Variants in KIF5A observed in about 807,000 individuals in gnomAD.
KIF5A encodes the protein kinesin family member 5A.
A neutral mutation model predicts 141.3 loss-of-function variants in KIF5A; 35 were observed. The ratio of observed to expected loss-of-function variants is 0.25; its 90% CI spans 0.19 to 0.33. The LOEUF (loss-of-function observed/expected upper bound fraction) is 0.33, where lower values mean the gene tolerates loss of function less well. Among genes scored for constraint, KIF5A ranks in the 10% least tolerant of loss-of-function variants. The pLI, the probability that KIF5A is intolerant of heterozygous loss-of-function variation, is 1.00. For synonymous variants in KIF5A, 448 were observed against 500.2 expected (o/e 0.90, Z 1.39); for missense variants, 861 against 1,314.3 (o/e 0.66, Z 5.33).
At position 57,576,868 on chromosome 12, in the gene KIF5A, T is replaced by C. The variant is rs1882444180; in HGVS notation, c.2300+6T>C. On this transcript the variant is annotated splice_donor_region_variant and intron_variant, in intron 20 of 28. Coordinates refer to ENST00000455537, the MANE Select transcript of KIF5A (RefSeq NM_004984.4). ...ACCAAGCTGCAGGAGCTGACGTGAG[T>C]GGCATGGATTTACCTGTAAAACTAC... is the stretch of plus-strand genomic sequence containing the variant. 1.2e-6 allele frequency: 2 copies of C among 1,606,476 alleles called. No homozygotes were observed. Among genetic ancestry groups the C allele is most frequent in the African/African-American group, 1.3e-5 (1 of 74,784 alleles).
chr12:57,582,648 C>T lies in KIF5A; in HGVS notation c.3020+19C>T, dbSNP rs780107972. On this transcript the variant is annotated intron_variant, in intron 27 of 28. Transcript: ENST00000455537. ...ACAATAGGTACAACAGTCCCCACTA[C>T]CCCTGGGTTCTCTGGGTGGGACCAG... is the stretch of plus-strand genomic sequence containing the variant. 2 of 1,597,734 alleles carry T rather than the reference C, an allele frequency of 1.3e-6. No individual in the cohort carries two copies. Among genetic ancestry groups the T allele is most frequent in the Admixed American group, 3.3e-5 (2 of 59,998 alleles).
chr12:57,552,360 A>G (rs1450175172), intron 1 of KIF5A, among the ~76,000 whole-genome samples: 1 of 152,128 alleles, frequency 6.6e-6, no homozygotes, highest in Non-Finnish European at 1.5e-5. Flanking sequence ...GCAAGGAGGA[A>G]AGATGAATAG....
chr12:57,559,068 T>A (rs1881831793), intron 1 of KIF5A, among the ~76,000 whole-genome samples: 2 of 152,216 alleles, frequency 1.3e-5, no homozygotes, highest in African/African-American at 4.8e-5. Context: ...ACATGAGCTA[T>A]CTCATTCAAC....
chr12:57,572,562 C>A lies in KIF5A; in HGVS notation c.1570-18C>A. 1 of 1,614,160 alleles carries A rather than the reference C, an allele frequency of 6.2e-7. No individual in the cohort carries two copies. The highest frequency in any genetic ancestry group is 1.6e-4 in the Middle Eastern group (1 of 6,062). On this transcript the variant is annotated intron_variant, in intron 14 of 28. Transcript: ENST00000455537. The surrounding 1 kb of genome is among the most constrained non-coding windows in gnomAD (Gnocchi z 4.2). ...GCAGGAGGATGGCAACAGGAATGAC[C>A]TGAGGGGCTGTCCCCAGGCCACCAT...
At chr12:57,559,601 CAT>C (rs1384603820) in intron 1 of KIF5A, among the ~76,000 whole-genome samples, 11 of 152,140 alleles carry the variant, frequency 7.2e-5, no homozygotes, top group African/African-American at 2.4e-4. Context: ...AATTTTATGA[CAT>C]ATGTAGACAC....
chr12:57,567,480 C>T lies in KIF5A; in HGVS notation c.590-14C>T. 1.2e-6 allele frequency: 2 copies of T among 1,612,628 alleles called. No individual in the cohort carries two copies. The highest frequency in any genetic ancestry group is 1.7e-6 in the Non-Finnish European group (2 of 1,179,536). On this transcript the variant is annotated splice_polypyrimidine_tract_variant and intron_variant, in intron 7 of 28. Transcript: ENST00000455537. ...CAGGGTGGTGCAGGTCCTGTTTCTC[C>T]CTTGCTCCTGCAGACATGAATGAAC...
At chr12:57,570,491 C>T (rs1353826050) in intron 12 of KIF5A, among the ~76,000 whole-genome samples, 1 of 152,086 alleles carries the variant, frequency 6.6e-6, no homozygotes, top group Non-Finnish European at 1.5e-5. Flanking sequence ...CTCTGCCTCT[C>T]GGGTTCAAGT....
chr12:57,571,801 T>G (rs575273116), intron 13 of KIF5A, among the ~76,000 whole-genome samples: 1 of 152,232 alleles, frequency 6.6e-6, no homozygotes, highest in East Asian at 1.9e-4. Flanking sequence ...TCAGGCAATG[T>G]GCCCACCTAG....
At chr12:57,568,861 C>T (rs1013849536) in intron 8 of KIF5A, 102 bp from the exon 9 acceptor site, 1 of 768,368 alleles carries the variant, frequency 1.3e-6, no homozygotes, top group African/African-American at 1.7e-5. Context: ...ATCTTCTTCC[C>T]TGTTCCTTCC....
intron 23 of KIF5A, among the ~76,000 whole-genome samples, chr12:57,580,224 T>C (rs1322733640): frequency 6.6e-6 from 1 of 152,132 alleles, no homozygotes; most frequent in African/African-American, 2.4e-5. Flanking sequence ...CCCCAGTCAT[T>C]GTGTGGAACC....
intron 1 of KIF5A, among the ~76,000 whole-genome samples, chr12:57,552,423 C>T (rs1183589035): frequency 6.6e-6 from 1 of 152,184 alleles, no homozygotes; most frequent in Non-Finnish European, 1.5e-5. Flanking sequence ...ACAGCTGGAT[C>T]TTCCTTGTCT....
At position 57,576,691 on chromosome 12, in the gene KIF5A, G is replaced by T. The variant is rs550299395; in HGVS notation, c.2199-70G>T. The T allele has an allele frequency of 3.5e-6, 4 of 1,131,238 alleles. No individual in the cohort carries two copies. The South Asian group carries it at 5.0e-5, about 14-fold the overall frequency. 70.1% of individuals were successfully genotyped at this position (1,131,238 alleles called of 1,614,324 possible). ...TCGTTCAAAAAGGAAGAAGTTTGAA[G>T]AGCTGGCCTTCCCTTCCCCCTCATT... On this transcript the variant is annotated intron_variant, in intron 19 of 28. Transcript: ENST00000455537.
Position 57,575,164 on chromosome 12 carries a change from G to C in KIF5A, c.1797G>C (p.Lys599Asn). ...TCAGCAAAATCAAATCAGAAGTCAA[G>C]TCTGTGGTCAAGCGGTGCCGGCAGC... ...LYISKIKSEV[K>N]SVVKRCRQLE... The change falls in exon 16 of 29, where the codon AAG (lysine) becomes AAC (asparagine). Residue 599 changes from lysine (K) to asparagine (N), a missense_variant. This residue lies in a region of KIF5A where 482 missense variants were observed against 661.3 expected (regional missense o/e 0.73). Coordinates refer to ENST00000455537, the MANE Select transcript of KIF5A (RefSeq NM_004984.4). 1 of 1,614,134 alleles carries C rather than the reference G, an allele frequency of 6.2e-7. No individual in the cohort carries two copies. Among genetic ancestry groups the C allele is most frequent in the Non-Finnish European group, 8.5e-7 (1 of 1,180,004 alleles).
intron 15 of KIF5A, among the ~76,000 whole-genome samples, chr12:57,574,040 G>A (rs1205670987): frequency 7.0e-6 from 1 of 143,820 alleles, no homozygotes; most frequent in East Asian, 2.1e-4. Context: ...CAGAGATGCG[G>A]CACTGCACTC....
chr12:57,581,313 A>G lies in KIF5A; in HGVS notation c.2756-102A>G, dbSNP rs890393914. 6.4e-6 allele frequency: 10 copies of G among 1,556,924 alleles called. No homozygotes were observed. In the African/African-American group the frequency reaches 9.5e-5, roughly 15 times the overall value. ...CCCCCCAAAAAGTAAAAAAGTGATTATGTTACAAGCAACTCAGTTCAACCC... is the reference window on the plus strand; with the variant it reads ...CCCCCCAAAAAGTAAAAAAGTGATTGTGTTACAAGCAACTCAGTTCAACCC... On this transcript the variant is annotated intron_variant, in intron 24 of 28. Coordinates refer to ENST00000455537, the MANE Select transcript of KIF5A (RefSeq NM_004984.4).
intron 1 of KIF5A, among the ~76,000 whole-genome samples, chr12:57,562,237 C>T (rs924375531): frequency 4.6e-5 from 7 of 151,966 alleles, no homozygotes; most frequent in African/African-American, 1.7e-4. Flanking sequence ...TTTTTTGAGA[C>T]GAAGTCTTGC....
intron 15 of KIF5A, among the ~76,000 whole-genome samples, chr12:57,573,523 C>T (rs1882319993): frequency 6.7e-6 from 1 of 149,212 alleles, no homozygotes; most frequent in Non-Finnish European, 1.5e-5. Context: ...AGAGCCAGAC[C>T]TTGTCTTAAA....
chr12:57,569,958 A>C (rs1459340023), intron 11 of KIF5A, 29 bp from the exon 12 acceptor site: 2 of 1,608,796 alleles, frequency 1.2e-6, no homozygotes, highest in Admixed American at 1.7e-5. Context: ...TTCTTCTTCC[A>C]TCTCTCACCT....
intron 12 of KIF5A, 112 bp downstream of exon 12, chr12:57,570,274 T>C: frequency 1.1e-6 from 1 of 892,076 alleles, no homozygotes; most frequent in South Asian, 1.6e-5. Flanking sequence ...TAAATGCTTA[T>C]GCTTGAAATG....
Sources: gnomAD v4.1 joint callset for allele counts (sites outside exome capture counted in the v4.1 genomes callset) on GRCh38, gnomAD v4.1.1 for gene constraint, gnomAD v4.1.1 regional missense constraint, Gnocchi (gnomAD v3.1) non-coding constraint, MANE v1.5 for transcripts, NCBI Gene and HGNC (gene_info 2026-07-23, HGNC 2026-07-21) for gene names.